Variants in DCDC1 observed in about 807,000 individuals in gnomAD.
The protein encoded by DCDC1 is doublecortin domain-containing protein 1.
A neutral mutation model predicts 178.3 loss-of-function variants in DCDC1; 200 were observed. The observed-to-expected ratio is 1.12, with a 90% confidence interval of 1.00 to 1.26. DCDC1 has a LOEUF of 1.26. Among genes scored for constraint, DCDC1 ranks in the 50% most tolerant of loss-of-function variants. The probability of loss-of-function intolerance (pLI) is 0.00; values close to 1 mark genes in which losing one functional copy is unlikely to be tolerated. For synonymous variants in DCDC1, 690 were observed against 604.8 expected (o/e 1.14, Z -2.07); for missense variants, 1,983 against 1,749.2 (o/e 1.13, Z -2.38).
chr11:30,943,469 A>T, intron 21 of DCDC1: 1 of 318,680 alleles, frequency 3.1e-6, no homozygotes, highest in Non-Finnish European at 6.2e-6. Flanking sequence ...ATATATTTTA[A>T]TTTAGATACT....
intron 9 of DCDC1, among the ~76,000 whole-genome samples, chr11:31,157,694 T>C (rs1187481494): frequency 6.6e-6 from 1 of 151,894 alleles, no homozygotes; most frequent in Non-Finnish European, 1.5e-5. Context: ...CAGGGGCAAA[T>C]GGAGGCTTAG....
At chr11:30,942,300 G>A (rs111948573) in intron 21 of DCDC1, among the ~76,000 whole-genome samples, 56 of 152,292 alleles carry the variant, frequency 3.7e-4, no homozygotes, top group African/African-American at 1.3e-3. Context: ...TTTGGGATTT[G>A]TCTGTAACTA....
At chr11:30,903,252 T>G (rs1223097143) in intron 32 of DCDC1, among the ~76,000 whole-genome samples, 3 of 152,156 alleles carry the variant, frequency 2.0e-5, no homozygotes, top group Non-Finnish European at 4.4e-5. Context: ...TATATGCAGT[T>G]TATTTATTGT....
chr11:31,039,570 G>T (rs1954299327), intron 20 of DCDC1, among the ~76,000 whole-genome samples: 1 of 151,986 alleles, frequency 6.6e-6, no homozygotes, highest in Non-Finnish European at 1.5e-5. Flanking sequence ...GTAGGCACTT[G>T]GTACATTTCA....
At chr11:31,242,813 T>TA (rs1235890877) in intron 8 of DCDC1, among the ~76,000 whole-genome samples, 2 of 151,890 alleles carry the variant, frequency 1.3e-5, no homozygotes, top group Non-Finnish European at 2.9e-5. Flanking sequence ...TTGCTCTTGG[T>TA]AAAAAAGTTA....
intron 9 of DCDC1, among the ~76,000 whole-genome samples, chr11:31,145,742 T>C (rs1200988473): frequency 6.6e-6 from 1 of 152,164 alleles, no homozygotes. Flanking sequence ...ACTCTCAAGA[T>C]GTTTTGGAGA....
chr11:31,024,231 G>A (rs977376253), intron 20 of DCDC1, among the ~76,000 whole-genome samples: 1 of 151,870 alleles, frequency 6.6e-6, no homozygotes, highest in Non-Finnish European at 1.5e-5. Flanking sequence ...TGTGGCAATG[G>A]TAAGTAGAAA....
At chr11:30,985,277 C>G (rs556743001) in intron 20 of DCDC1, among the ~76,000 whole-genome samples, 2 of 152,186 alleles carry the variant, frequency 1.3e-5, no homozygotes, top group East Asian at 3.9e-4. Context: ...CATGTGTGAG[C>G]AGGTCCAGGA....
At chr11:30,952,363 A>G (rs2134485150) in intron 21 of DCDC1, 82 bp downstream of exon 21, 1 of 1,297,212 alleles carries the variant, frequency 7.7e-7, no homozygotes, top group Non-Finnish European at 1.0e-6. Flanking sequence ...CAAAAGCTAT[A>G]TGGAAGTTGT....
chr11:31,046,751 C>T (rs1337196351), intron 20 of DCDC1, among the ~76,000 whole-genome samples: 1 of 151,770 alleles, frequency 6.6e-6, no homozygotes, highest in Non-Finnish European at 1.5e-5. Context: ...TATATGAGCT[C>T]ACTTAAATAG....
At chr11:31,067,973 G>T (rs1956344572) in intron 18 of DCDC1, among the ~76,000 whole-genome samples, 1 of 151,974 alleles carries the variant, frequency 6.6e-6, no homozygotes, top group Non-Finnish European at 1.5e-5. Context: ...TGAATATACT[G>T]AAAAACATTA....
At chr11:30,943,580 A>G (rs1474801048) in intron 21 of DCDC1, 1 of 420,514 alleles carries the variant, frequency 2.4e-6, no homozygotes, top group Non-Finnish European at 4.7e-6. Context: ...ATTGCTCCTT[A>G]CCTTTAAGTG....
intron 29 of DCDC1, among the ~76,000 whole-genome samples, chr11:30,907,760 G>A (rs1475263489): frequency 6.6e-6 from 1 of 152,136 alleles, no homozygotes; most frequent in Non-Finnish European, 1.5e-5. Context: ...TAGTGACCTG[G>A]GACAAGACCA....
Position 30,911,238 on chromosome 11 carries a change from T to A in DCDC1, c.3747+89A>T, listed in dbSNP as rs1945426969. 2.9e-6 allele frequency: 3 copies of A among 1,033,754 alleles called. No individual in the cohort carries two copies. In the Admixed American group the frequency reaches 7.5e-5, roughly 26 times the overall value. 64.0% of individuals were successfully genotyped at this position (1,033,754 alleles called of 1,614,324 possible). A position where few individuals can be genotyped will look rare whatever the true frequency, so the allele number is the denominator to read the frequency against. ...ATTCAAATAGGATTCTATGACAGTT[T>A]TTTTTTTTCCTCCACTACAAGGAAG... On this transcript the variant is annotated intron_variant, in intron 28 of 38. Coordinates refer to ENST00000684477, the MANE Select transcript of DCDC1 (RefSeq NM_001387274.1).
At chr11:31,056,058 GAA>G (rs773283441) in intron 20 of DCDC1, among the ~76,000 whole-genome samples, 9 of 152,262 alleles carry the variant, frequency 5.9e-5, no homozygotes, top group Non-Finnish European at 1.2e-4. Flanking sequence ...CATTTAGAGA[GAA>G]AGTGCATATA....
At chr11:31,136,598 C>G (rs976601177) in intron 10 of DCDC1, among the ~76,000 whole-genome samples, 1 of 151,886 alleles carries the variant, frequency 6.6e-6, no homozygotes, top group Admixed American at 6.6e-5. Context: ...ACCAAAATAT[C>G]AAAAAAGAAA....
chr11:30,988,013 A>T (rs1375666940), intron 20 of DCDC1, among the ~76,000 whole-genome samples: 2 of 151,976 alleles, frequency 1.3e-5, no homozygotes, highest in East Asian at 3.9e-4. Context: ...AGTTAGATAC[A>T]GGAGATTAGG....
chr11:31,118,963 C>G (rs553242724), intron 11 of DCDC1, among the ~76,000 whole-genome samples: 1 of 152,278 alleles, frequency 6.6e-6, no homozygotes, highest in South Asian at 2.1e-4. Flanking sequence ...CACCTGACTG[C>G]AGATGCCTGT....
At chr11:31,218,437 A>C (rs1304961871) in intron 9 of DCDC1, among the ~76,000 whole-genome samples, 19 of 152,164 alleles carry the variant, frequency 1.2e-4, no homozygotes, top group Admixed American at 1.2e-3. Context: ...CTTAAATGTA[A>C]CAAAAGATTC....
Sources: allele counts gnomAD v4.1 joint callset (sites outside exome capture counted in the v4.1 genomes callset), GRCh38; gene constraint gnomAD v4.1.1; transcripts MANE v1.5; gene names NCBI Gene and HGNC (gene_info 2026-07-23, HGNC 2026-07-21).